RPL10A: variants seen among roughly 807,000 people sequenced by gnomAD.
RPL10A encodes large ribosomal subunit protein uL1.
A neutral mutation model predicts 24.6 loss-of-function variants in RPL10A; 11 were observed. The observed-to-expected ratio is 0.45, with a 90% CI of 0.28 to 0.74. The LOEUF (loss-of-function observed/expected upper bound fraction) is 0.74. Among genes scored for constraint, RPL10A ranks in the 30% least tolerant of loss-of-function variants. The probability of loss-of-function intolerance (pLI) is 0.13; values close to 1 mark genes in which losing one functional copy is unlikely to be tolerated. For missense variants in RPL10A, 136 were observed against 273.1 expected (o/e 0.50, Z 3.54); for synonymous variants, 98 against 108.5 (o/e 0.90, Z 0.60).
chr6:35,470,180 C>T lies in RPL10A; in HGVS notation c.312C>T (p.Ala104=), dbSNP rs767750568. 3.7e-6 allele frequency: 6 copies of T among 1,612,598 alleles called. No homozygotes were observed. The highest frequency in any genetic ancestry group is 3.3e-5 in the Admixed American group (2 of 59,940). Residue 104 remains alanine, a splice_region_variant and synonymous_variant, in exon 5 of 6, where the codon GCC becomes GCT. Transcript: ENST00000322203. The surrounding 1 kb of genome is among the most constrained non-coding windows in gnomAD (Gnocchi z 4.6). ...NKNKKLVKKL[A]KKYDAFLASE... ...CCAATGGCTTCCTCTCTCTATCAGC[C>T]AAGAAGTATGATGCGTTTTTGGCCT... is the stretch of plus-strand genomic sequence containing the variant.
At chr6:35,468,572 G>C (rs1767916341) in intron 1 of RPL10A, 133 bp downstream of exon 1, 2 of 1,589,018 alleles carry the variant, frequency 1.3e-6, no homozygotes, top group Non-Finnish European at 8.5e-7. Flanking sequence ...AGGCGGGTCG[G>C]CCTGCGGGTC....
rs1226846244 is a variant in RPL10A at position 35,470,572 on chromosome 6, C to T, written c.484-8C>T. On this transcript the variant is annotated splice_region_variant and splice_polypyrimidine_tract_variant and intron_variant, in intron 5 of 5. Transcript: ENST00000322203. This position sits in a 1 kb window ranked among gnomAD's most constrained non-coding sequence, Gnocchi z 4.6. ...AACCTGACTTGATCCTCTCTTCCCTCCTCCCAGGTGTTATGTCTGGCTGTA... is the reference window on the plus strand; with the variant it reads ...AACCTGACTTGATCCTCTCTTCCCTTCTCCCAGGTGTTATGTCTGGCTGTA... 4 of 1,611,946 alleles carry T rather than the reference C, an allele frequency of 2.5e-6. No individual in the cohort carries two copies. Among genetic ancestry groups the T allele is most frequent in the Non-Finnish European group, 3.4e-6 (4 of 1,178,238 alleles).
Position 35,470,760 on chromosome 6 carries a change from G to C in RPL10A, c.*10G>C. On this transcript the variant is annotated 3_prime_UTR_variant, in exon 6 of 6. Coordinates refer to ENST00000322203, the MANE Select transcript of RPL10A (RefSeq NM_007104.5). This position sits in a 1 kb window ranked among gnomAD's most constrained non-coding sequence, Gnocchi z 4.6. The stretch of plus-strand genomic sequence containing the variant: ...CCAGCGCCTATATTAAGGCACATTT[G>C]AATAAATTCTATTACCAGTTCCCTC... The C allele has an allele frequency of 6.3e-7, 1 of 1,599,056 alleles. No individual in the cohort carries two copies. Among genetic ancestry groups the C allele is most frequent in the South Asian group, 1.1e-5 (1 of 90,876 alleles).
rs989660918 is a variant in RPL10A, at chr6:35,470,422, T to C, written c.483+71T>C. 9.3e-5 allele frequency: 144 copies of C among 1,544,602 alleles called. 1 individual carries two copies. Among genetic ancestry groups the C allele is most frequent in the Middle Eastern group, 8.6e-4 (5 of 5,826 alleles). ...TCTAAATCTTATCCAAGTCTCTAAA[T>C]ATGCCAGTAAGAGCACCCACCAGGA... On this transcript the variant is annotated intron_variant, in intron 5 of 5. Coordinates refer to ENST00000322203, the MANE Select transcript of RPL10A (RefSeq NM_007104.5). The surrounding 1 kb of genome is among the most constrained non-coding windows in gnomAD (Gnocchi z 4.6).
chr6:35,469,306 C>CG, intron 3 of RPL10A, 75 bp from the exon 4 acceptor site: 1 of 1,510,720 alleles, frequency 6.6e-7, no homozygotes. Context: ...GTGGCTGCTG[C>CG]GGTCCCAGAC....
chr6:35,468,631 G>T, intron 1 of RPL10A, 168 bp from the exon 2 acceptor site: 1 of 1,521,486 alleles, frequency 6.6e-7, no homozygotes, highest in South Asian at 1.2e-5. Flanking sequence ...TTCCACCGGG[G>T]CTTGGGTCTG....
chr6:35,469,118 G>T, intron 3 of RPL10A, 91 bp downstream of exon 3: 1 of 1,569,560 alleles, frequency 6.4e-7, no homozygotes, highest in South Asian at 1.2e-5. Flanking sequence ...CGGGCACGTC[G>T]GTACTGATGT....
chr6:35,468,457 G>C lies in RPL10A; in HGVS notation c.5+18G>C. The C allele has an allele frequency of 6.2e-7, 1 of 1,613,982 alleles. No individual in the cohort carries two copies. Among genetic ancestry groups the C allele is most frequent in the South Asian group, 1.1e-5 (1 of 91,084 alleles). Reference sequence around the variant, plus strand: ...GCCATGAGGTGAGTTGGTCCTGAAAGCCCTATCCGCGTTCATCCGCGCCTT... The same window carrying C: ...GCCATGAGGTGAGTTGGTCCTGAAACCCCTATCCGCGTTCATCCGCGCCTT... On this transcript the variant is annotated intron_variant, in intron 1 of 5. Transcript: ENST00000322203.
intron 4 of RPL10A, among the ~76,000 whole-genome samples, chr6:35,469,857 C>G (rs1767988764): frequency 1.3e-5 from 2 of 152,146 alleles, no homozygotes; most frequent in African/African-American, 4.8e-5. Context: ...TCCCAGTTGT[C>G]ACGTGTCCAG....
intron 3 of RPL10A, 118 bp downstream of exon 3, chr6:35,469,145 C>A (rs11553984): frequency 2.0e-6 from 3 of 1,502,324 alleles, no homozygotes; most frequent in Non-Finnish European, 2.7e-6. Flanking sequence ...GTAGTTCAGA[C>A]CCCCTGCTCC....
intron 4 of RPL10A, among the ~76,000 whole-genome samples, 153 bp downstream of exon 4, chr6:35,469,682 T>C (rs1272339743): frequency 6.6e-6 from 1 of 152,108 alleles, no homozygotes; most frequent in Admixed American, 6.5e-5. Context: ...GTTTTAGCTT[T>C]GGGGTGGTTT....
At chr6:35,468,924 T>C in intron 2 of RPL10A, 23 bp from the exon 3 acceptor site, 1 of 1,613,792 alleles carries the variant, frequency 6.2e-7, no homozygotes, top group African/African-American at 1.3e-5. Flanking sequence ...CGGCGGGTGC[T>C]TAACCCCCCT....
chr6:35,468,665 T>G, intron 1 of RPL10A, 134 bp from the exon 2 acceptor site: 1 of 1,516,842 alleles, frequency 6.6e-7, no homozygotes, highest in Non-Finnish European at 8.8e-7. Context: ...GTCGCTCTAC[T>G]TGGTGTCCGG....
In RPL10A at chr6:35,468,831, C is replaced by G; in HGVS notation, c.38C>G (p.Ala13Gly). 6.2e-7 allele frequency: 1 copy of G among 1,610,426 alleles called. No individual in the cohort carries two copies. Among genetic ancestry groups the G allele is most frequent in the East Asian group, 2.2e-5 (1 of 44,754 alleles). Residue 13 changes from alanine to glycine, a missense_variant, in exon 2 of 6, where the codon GCG becomes GGG. By Grantham distance (60) the Ala-to-Gly change is moderately conservative (BLOSUM62 0). This residue lies in a region of RPL10A where 88 missense variants were observed against 149.2 expected (regional missense o/e 0.59). Coordinates refer to ENST00000322203, the MANE Select transcript of RPL10A (RefSeq NM_007104.5). ...GTCTCTCGCGACACCCTGTACGAGGCGGTGCGGGAAGTCCTGCACGGGAAC... is the reference window on the plus strand; with the variant it reads ...GTCTCTCGCGACACCCTGTACGAGGGGGTGCGGGAAGTCCTGCACGGGAAC... ...SKVSRDTLYE[A>G]VREVLHGNQR...
At chr6:35,469,339 A>G (rs1429593371) in intron 3 of RPL10A, 42 bp from the exon 4 acceptor site, 5 of 1,544,260 alleles carry the variant, frequency 3.2e-6, no homozygotes, top group Non-Finnish European at 4.4e-6. Flanking sequence ...CTTGGGACCC[A>G]GGGCTAGGCG....
At chr6:35,469,336 C>T in intron 3 of RPL10A, 45 bp from the exon 4 acceptor site, 1 of 1,541,456 alleles carries the variant, frequency 6.5e-7, no homozygotes, top group Non-Finnish European at 8.7e-7. Context: ...GCCCTTGGGA[C>T]CCAGGGCTAG....
In RPL10A at chr6:35,470,410, C is replaced by T. The variant is rs1173163394; in HGVS notation, c.483+59C>T. 7 of 1,556,952 alleles carry T rather than the reference C, an allele frequency of 4.5e-6. No homozygotes were observed. The highest frequency in any genetic ancestry group is 2.3e-5 in the East Asian group (1 of 44,332). On this transcript the variant is annotated intron_variant, in intron 5 of 5. Transcript: ENST00000322203. This position sits in a 1 kb window ranked among gnomAD's most constrained non-coding sequence, Gnocchi z 4.6. The stretch of plus-strand genomic sequence containing the variant: ...GTGTTGGCAGGGTCTAAATCTTATC[C>T]AAGTCTCTAAATATGCCAGTAAGAG...
At chr6:35,468,500 G>A in intron 1 of RPL10A, 61 bp downstream of exon 1, 2 of 1,611,282 alleles carry the variant, frequency 1.2e-6, no homozygotes, top group Non-Finnish European at 8.5e-7. Context: ...CCCGCCGAGG[G>A]TTCGGATCCT....
In RPL10A at chr6:35,470,454, CTT is replaced by C. The variant is rs1177840906; in HGVS notation, c.483+106_483+107del. On this transcript the variant is annotated intron_variant, in intron 5 of 5. Transcript: ENST00000322203. This position sits in a 1 kb window ranked among gnomAD's most constrained non-coding sequence, Gnocchi z 4.6. Reference sequence around the variant, plus strand: ...GTAAGAGCACCCACCAGGATTGAAACTTTTGGAGTAACCCTGGTCTTGGCCCG... The same window carrying C: ...GTAAGAGCACCCACCAGGATTGAAACTTGGAGTAACCCTGGTCTTGGCCCG... The C allele has an allele frequency of 2.7e-6, 4 of 1,502,838 alleles. No homozygotes were observed. In the Admixed American group the frequency reaches 7.6e-5, roughly 28 times the overall value. 93.1% of individuals were successfully genotyped at this position (1,502,838 alleles called of 1,614,324 possible).
Sources: gnomAD v4.1 joint callset for allele counts (sites outside exome capture counted in the v4.1 genomes callset) on GRCh38, gnomAD v4.1.1 for gene constraint, gnomAD v4.1.1 regional missense constraint, Gnocchi (gnomAD v3.1) non-coding constraint, MANE v1.5 for transcripts, NCBI Gene and HGNC (gene_info 2026-07-23, HGNC 2026-07-21) for gene names.